ABI2: variants seen among roughly 807,000 people sequenced by gnomAD.
ABI2 encodes abl interactor 2.
In ABI2, 25 loss-of-function variants were observed where a neutral mutation model predicts 59.2. The observed-to-expected ratio is 0.42, with a 90% confidence interval of 0.31 to 0.59. The LOEUF (loss-of-function observed/expected upper bound fraction) is 0.59, where lower values mean the gene tolerates loss of function less well. Among genes scored for constraint, ABI2 ranks in the 20% least tolerant of loss-of-function variants. The pLI is 0.14. For missense variants in ABI2, 545 were observed against 681.8 expected, an observed-to-expected ratio of 0.80 and a Z score of 2.23; for synonymous variants, 213 against 235.5, an observed-to-expected ratio of 0.90 and a Z score of 0.87.
At chr2:203,394,597 C>T in intron 5 of ABI2, 103 bp from the exon 6 acceptor site, 3 of 1,172,108 alleles carry the variant, frequency 2.6e-6, no homozygotes, top group East Asian at 4.8e-5. Flanking sequence ...AAACACATTT[C>T]CTATCTCTGA....
chr2:203,402,237 G>T (rs564288081), intron 8 of ABI2, among the ~76,000 whole-genome samples: 1 of 152,100 alleles, frequency 6.6e-6, no homozygotes, highest in Non-Finnish European at 1.5e-5. Flanking sequence ...GTTTCACCAC[G>T]TTGGCCAGGC....
At chr2:203,421,983 A>T (rs77963649) in intron 11 of ABI2, among the ~76,000 whole-genome samples, 2 of 151,302 alleles carry the variant, frequency 1.3e-5, no homozygotes, top group Non-Finnish European at 1.5e-5. Context: ...AAAAAAAAAA[A>T]ATCTAGAAAG....
At chr2:203,405,061 G>T (rs1488422092) in intron 9 of ABI2, among the ~76,000 whole-genome samples, 5 of 152,194 alleles carry the variant, frequency 3.3e-5, no homozygotes, top group African/African-American at 1.2e-4. Flanking sequence ...TTTATGGAAT[G>T]ATTTTAATGA....
chr2:203,333,140 C>G (rs2074721672), intron 1 of ABI2, among the ~76,000 whole-genome samples: 1 of 151,948 alleles, frequency 6.6e-6, no homozygotes, highest in Non-Finnish European at 1.5e-5. Flanking sequence ...CAAAATGATA[C>G]AAAGATTTAA....
chr2:203,372,766 A>G (rs2095362448), intron 2 of ABI2, among the ~76,000 whole-genome samples: 2 of 141,018 alleles, frequency 1.4e-5, no homozygotes, highest in Admixed American at 1.4e-4. Context: ...GGCGGTTGCC[A>G]GGCGGAGGGT....
intron 2 of ABI2, chr2:203,374,748 T>C (rs2095567376): frequency 2.4e-6 from 1 of 422,662 alleles, no homozygotes; most frequent in Non-Finnish European, 5.0e-6. Context: ...AGCTTACTAA[T>C]AAAAAAAATT....
intron 1 of ABI2, among the ~76,000 whole-genome samples, chr2:203,348,340 A>G (rs1026295784): frequency 7.9e-5 from 12 of 152,374 alleles, no homozygotes; most frequent in Admixed American, 3.9e-4. Flanking sequence ...CACATTAAAC[A>G]TGAAGAGTTT....
intron 9 of ABI2, among the ~76,000 whole-genome samples, chr2:203,408,561 A>G: frequency 6.6e-6 from 1 of 151,848 alleles, no homozygotes; most frequent in South Asian, 2.1e-4. Flanking sequence ...ACCTCAGTCT[A>G]CCCACAAAAA....
rs2096903425 is a variant in ABI2, at chr2:203,394,685, C to A, written c.579-15C>A. 6.2e-7 allele frequency: 1 copy of A among 1,612,704 alleles called. No individual in the cohort carries two copies. Among genetic ancestry groups the A allele is most frequent in the Admixed American group, 1.7e-5 (1 of 59,824 alleles). On this transcript the variant is annotated splice_polypyrimidine_tract_variant and intron_variant, in intron 5 of 11. Transcript: ENST00000261018. ...CTTGCTTAATCATACAATACATACG[C>A]TCTTCTTTTTGTAGGCGGCACTCCC... is the stretch of plus-strand genomic sequence containing the variant.
At chr2:203,382,072 G>A in intron 3 of ABI2, 117 bp from the exon 4 acceptor site, 2 of 799,272 alleles carry the variant, frequency 2.5e-6, no homozygotes, top group South Asian at 1.9e-5. Flanking sequence ...TTTTGTTAAT[G>A]CTGAATGCTT....
intron 4 of ABI2, 75 bp from the exon 5 acceptor site, chr2:203,390,971 G>T (rs767822250): frequency 2.5e-5 from 28 of 1,104,676 alleles, no homozygotes; most frequent in Admixed American, 1.2e-4. Context: ...TTGTTATGTA[G>T]TGTAGCATAT....
At chr2:203,364,185 C>T (rs537477847) in intron 1 of ABI2, among the ~76,000 whole-genome samples, 8 of 151,882 alleles carry the variant, frequency 5.3e-5, no homozygotes, top group African/African-American at 1.9e-4. Context: ...CCCCCGCCTC[C>T]TGGGTTCAAG....
chr2:203,360,596 A>G (rs560797735), intron 1 of ABI2, among the ~76,000 whole-genome samples: 1 of 152,216 alleles, frequency 6.6e-6, no homozygotes, highest in Non-Finnish European at 1.5e-5. Flanking sequence ...GCAGTTTAGC[A>G]AAATGGAGAA....
intron 4 of ABI2, among the ~76,000 whole-genome samples, chr2:203,386,991 T>G (rs1329583147): frequency 1.3e-5 from 2 of 151,936 alleles, no homozygotes; most frequent in Admixed American, 1.3e-4. Flanking sequence ...TCAGAATACC[T>G]TTAAAGCAGA....
intron 4 of ABI2, among the ~76,000 whole-genome samples, chr2:203,385,180 G>C (rs2096440315): frequency 8.6e-6 from 1 of 115,770 alleles, no homozygotes; most frequent in African/African-American, 3.0e-5. Context: ...GCCCAGGCTG[G>C]AGTGCAGTGG....
chr2:203,347,593 A>T (rs2084502878), intron 1 of ABI2, among the ~76,000 whole-genome samples: 1 of 152,228 alleles, frequency 6.6e-6, no homozygotes, highest in Non-Finnish European at 1.5e-5. Flanking sequence ...GGCAGCTGAG[A>T]GAAGAGATAA....
At chr2:203,396,406 A>G (rs558682546) in intron 7 of ABI2, among the ~76,000 whole-genome samples, 16 of 152,118 alleles carry the variant, frequency 1.1e-4, no homozygotes, top group Non-Finnish European at 2.1e-4. Flanking sequence ...GAATATGTCT[A>G]TTTTCTGATT....
At chr2:203,365,622 CTTTTTTTTT>C (rs71007507) in intron 1 of ABI2, among the ~76,000 whole-genome samples, 18 of 63,908 alleles carry the variant, frequency 2.8e-4, no homozygotes, top group Non-Finnish European at 4.2e-4. Flanking sequence ...GGGCTGTTAT[CTTTTTTTTT>C]TTTTTTTTTT....
chr2:203,335,150 T>G (rs1285359813), intron 1 of ABI2, among the ~76,000 whole-genome samples: 1 of 152,234 alleles, frequency 6.6e-6, no homozygotes, highest in Non-Finnish European at 1.5e-5. Context: ...CCATTAGCCG[T>G]AGGATGTTCT....
Sources: gnomAD v4.1 joint callset for allele counts (sites outside exome capture counted in the v4.1 genomes callset) on GRCh38, gnomAD v4.1.1 for gene constraint, MANE v1.5 for transcripts, NCBI Gene and HGNC (gene_info 2026-07-23, HGNC 2026-07-21) for gene names.